The following FMN2 variants were observed in gnomAD, a reference collection of about 807,000 sequenced individuals.
FMN2 encodes formin 2.
A neutral mutation model predicts 142.3 loss-of-function variants in FMN2; 51 were observed. The observed-to-expected ratio is 0.36, with a 90% CI of 0.29 to 0.45. FMN2 has a LOEUF of 0.45. Ranked by LOEUF, FMN2 falls within the 20% of genes least tolerant of loss-of-function variation. The pLI is 1.00. For missense variants in FMN2, 1,936 were observed against 2,122.8 expected (o/e 0.91, Z 1.73); for synonymous variants, 882 against 869.8 (o/e 1.01, Z -0.25).
intron 10 of FMN2, among the ~76,000 whole-genome samples, chr1:240,330,335 G>A (rs1180060904): frequency 6.6e-6 from 1 of 152,116 alleles, no homozygotes; most frequent in Non-Finnish European, 1.5e-5. Context: ...TTCTCACACA[G>A]GCTTGTTTTC....
At chr1:240,314,404 G>A (rs1187635421) in intron 8 of FMN2, among the ~76,000 whole-genome samples, 1 of 152,080 alleles carries the variant, frequency 6.6e-6, no homozygotes, top group Non-Finnish European at 1.5e-5. Flanking sequence ...GAAATGCTAG[G>A]TTCAACTACT....
At chr1:240,301,042 T>C (rs974524061) in intron 8 of FMN2, among the ~76,000 whole-genome samples, 2 of 152,056 alleles carry the variant, frequency 1.3e-5, no homozygotes, top group Non-Finnish European at 2.9e-5. Context: ...GCATTTAGAT[T>C]GTCAACATTT....
chr1:240,406,452 G>C (rs10926243), intron 15 of FMN2, among the ~76,000 whole-genome samples: 12,588 of 152,100 alleles, frequency 0.083, 1,781 homozygotes, highest in African/African-American at 0.29. Flanking sequence ...TGTTAAGATC[G>C]CGCTCTGAGA....
chr1:240,381,473 A>C (rs1313127504), intron 14 of FMN2, among the ~76,000 whole-genome samples: 1 of 152,164 alleles, frequency 6.6e-6, no homozygotes, highest in East Asian at 1.9e-4. Context: ...TCTGTCACCC[A>C]GGCTGGAGTG....
chr1:240,215,509 G>T (rs61269093), intron 6 of FMN2, among the ~76,000 whole-genome samples: 2,243 of 152,304 alleles, frequency 0.015, 57 homozygotes, highest in African/African-American at 0.049. Flanking sequence ...AATTATGGAT[G>T]TGGAATATTT....
rs368700182 is a variant in FMN2, at chr1:240,396,373, G to A, written c.4910+3811G>A. Among the ~76,000 whole-genome samples, 17 of 151,302 alleles carry A rather than the reference G, an allele frequency of 1.1e-4. No individual in the cohort carries two copies. The East Asian group carries it at 1.4e-3, about 12-fold the overall frequency. On this transcript the variant is annotated intron_variant, in intron 15 of 17. Coordinates refer to ENST00000319653, the MANE Select transcript of FMN2 (RefSeq NM_020066.5). ...AGAAAGATAGAGAATTGACTCATGC[G>A]ATTGTAAAATTGGCAAGTCTAAAAT...
intron 8 of FMN2, among the ~76,000 whole-genome samples, chr1:240,322,502 AACAG>A (rs542417775): frequency 3.9e-4 from 59 of 152,324 alleles, no homozygotes; most frequent in African/African-American, 1.4e-3. Context: ...AGAGACGAGA[AACAG>A]ACAGGTGTTG....
chr1:240,396,180 G>T (rs182846739), intron 15 of FMN2, among the ~76,000 whole-genome samples: 7 of 152,234 alleles, frequency 4.6e-5, no homozygotes, highest in Non-Finnish European at 8.8e-5. Flanking sequence ...ATAGACTATA[G>T]TATAATGTAA....
chr1:240,471,365 C>CTTTT (rs201223518), intron 16 of FMN2, among the ~76,000 whole-genome samples: 1 of 143,232 alleles, frequency 7.0e-6, no homozygotes, highest in African/African-American at 2.6e-5. Context: ...TGTAAATTTT[C>CTTTT]TTTTTTTTTT....
At chr1:240,449,088 A>G (rs1342788478) in intron 16 of FMN2, among the ~76,000 whole-genome samples, 2 of 151,826 alleles carry the variant, frequency 1.3e-5, no homozygotes, top group East Asian at 3.9e-4. Context: ...GCTGCAGCAA[A>G]CAGAGATAGT....
At chr1:240,294,323 G>T in intron 7 of FMN2, among the ~76,000 whole-genome samples, 1 of 152,254 alleles carries the variant, frequency 6.6e-6, no homozygotes, top group East Asian at 1.9e-4. Context: ...CAATATAAAA[G>T]ATTCATCCTT....
intron 7 of FMN2, among the ~76,000 whole-genome samples, chr1:240,291,379 G>A (rs1009060926): frequency 1.3e-5 from 2 of 151,870 alleles, no homozygotes; most frequent in East Asian, 3.9e-4. Context: ...GGGGGTGGGT[G>A]GGGGTGGGAA....
intron 7 of FMN2, among the ~76,000 whole-genome samples, chr1:240,271,136 AT>A (rs1668999957): frequency 1.8e-5 from 1 of 56,510 alleles, no homozygotes; most frequent in Non-Finnish European, 3.2e-5. Flanking sequence ...GTTTGCATGT[AT>A]TTGGATAGCC....
chr1:240,295,082 G>A (rs549005586), intron 8 of FMN2, among the ~76,000 whole-genome samples, 199 bp downstream of exon 8: 12 of 151,994 alleles, frequency 7.9e-5, no homozygotes, highest in Non-Finnish European at 1.3e-4. Context: ...TTGAAAAATT[G>A]TGAATCAAAT....
At chr1:240,467,612 A>G (rs931618002) in intron 16 of FMN2, among the ~76,000 whole-genome samples, 1 of 152,154 alleles carries the variant, frequency 6.6e-6, no homozygotes, top group African/African-American at 2.4e-5. Flanking sequence ...TTCAAGAAAG[A>G]CTATTCAAAA....
chr1:240,170,080 G>A (rs1375146398), intron 2 of FMN2: 7 of 589,616 alleles, frequency 1.2e-5, no homozygotes, highest in South Asian at 6.2e-5. Flanking sequence ...ATCATGGAAT[G>A]AGAATAGCAA....
intron 14 of FMN2, among the ~76,000 whole-genome samples, chr1:240,366,981 T>C (rs924399935): frequency 2.6e-5 from 4 of 151,708 alleles, no homozygotes; most frequent in African/African-American, 9.7e-5. Context: ...GACAAGTGAA[T>C]CTTCTGCCTC....
intron 7 of FMN2, among the ~76,000 whole-genome samples, chr1:240,266,034 T>TA (rs747536768): frequency 6.6e-6 from 1 of 150,984 alleles, no homozygotes; most frequent in African/African-American, 2.4e-5. Context: ...TTTTTTTTTT[T>TA]AATAAATCAA....
intron 7 of FMN2, among the ~76,000 whole-genome samples, chr1:240,289,250 A>T (rs1394336387): frequency 5.9e-5 from 9 of 152,130 alleles, no homozygotes; most frequent in Admixed American, 5.9e-4. Context: ...GCCCTGAGAG[A>T]CTGCTCCAGT....
Sources: gnomAD v4.1 joint callset for allele counts (sites outside exome capture counted in the v4.1 genomes callset) on GRCh38, gnomAD v4.1.1 for gene constraint, MANE v1.5 for transcripts, NCBI Gene and HGNC (gene_info 2026-07-23, HGNC 2026-07-21) for gene names.